KLF1: variants seen among roughly 807,000 people sequenced by gnomAD.
KLF1 encodes KLF transcription factor 1, also known as Krueppel-like factor 1.
KLF1 carries 29 observed loss-of-function variants against 28.0 expected under a neutral mutation model. The observed-to-expected ratio is 1.04, with a 90% CI of 0.77 to 1.41. The LOEUF (loss-of-function observed/expected upper bound fraction) is 1.41. Among genes scored for constraint, KLF1 ranks in the 40% most tolerant of loss-of-function variants. The probability of loss-of-function intolerance (pLI) is 0.00; values close to 1 mark genes in which losing one functional copy is unlikely to be tolerated. For synonymous variants in KLF1, 262 were observed against 242.6 expected, an observed-to-expected ratio of 1.08 and a Z score of -0.74; for missense variants, 508 against 515.1, an observed-to-expected ratio of 0.99 and a Z score of 0.13.
At position 12,885,894 on chromosome 19, in the gene KLF1, AG is replaced by A. The variant is rs1970439924; in HGVS notation, c.335del (p.Thr112IlefsTer125). On this transcript the variant is annotated frameshift_variant, in exon 2 of 3. Coordinates refer to ENST00000264834, the MANE Select transcript of KLF1 (RefSeq NM_006563.5). LOFTEE classifies it high-confidence loss of function. The surrounding 1 kb of genome is among the most constrained non-coding windows in gnomAD (Gnocchi z 5.6). ...SGAQYPPPPE[T>X]LGAYAGGPGL... Reference sequence around the variant, plus strand: ...CCGGGCCGCCAGCATATGCGCCCAGAGTCTCGGGCGGCGGCGGATATTGCGC... The same window carrying A: ...CCGGGCCGCCAGCATATGCGCCCAGATCTCGGGCGGCGGCGGATATTGCGC... 1.9e-6 allele frequency: 3 copies of A among 1,551,666 alleles called. No homozygotes were observed. In the African/African-American group the frequency reaches 4.1e-5, roughly 21 times the overall value.
chr19:12,885,785 C>T lies in KLF1; in HGVS notation c.445G>A (p.Val149Met), dbSNP rs1263219855. 12 of 1,541,514 alleles carry T rather than the reference C, an allele frequency of 7.8e-6. No homozygotes were observed. The highest frequency in any genetic ancestry group is 1.0e-5 in the Non-Finnish European group (12 of 1,144,016). Residue 149 changes from valine (V) to methionine (M), a missense_variant, in exon 2 of 3, where the codon GTG becomes ATG. Physicochemically the swap from Val to Met is conservative, Grantham distance 21. Transcript: ENST00000264834. This position sits in a 1 kb window ranked among gnomAD's most constrained non-coding sequence, Gnocchi z 5.6. ...ALRARAPDAF[V>M]GPALAPAPAP... ...GGGGCTGGAGCCAGGGCTGGGCCCACGAAGGCGTCGGGAGCCCGGGCTCGC... is the reference window on the plus strand; with the variant it reads ...GGGGCTGGAGCCAGGGCTGGGCCCATGAAGGCGTCGGGAGCCCGGGCTCGC...
At position 12,886,155 on chromosome 19, in the gene KLF1, G is replaced by C. The variant is rs1970446400; in HGVS notation, c.88-13C>G. The stretch of plus-strand genomic sequence containing the variant: ...CGGAGCGCCACCACTGCGGGAGGGA[G>C]CAGGCAGCTCGAGGTTCGGTGGACA... On this transcript the variant is annotated splice_polypyrimidine_tract_variant and intron_variant, in intron 1 of 2. Coordinates refer to ENST00000264834, the MANE Select transcript of KLF1 (RefSeq NM_006563.5). 1 of 1,592,892 alleles carries C rather than the reference G, an allele frequency of 6.3e-7. No individual in the cohort carries two copies. The highest frequency in any genetic ancestry group is 8.5e-7 in the Non-Finnish European group (1 of 1,174,622).
Position 12,885,480 on chromosome 19 carries a change from C to T in KLF1, c.750G>A (p.Gly250=), listed in dbSNP as rs569742788. The change falls in exon 2 of 3, where the codon GGG becomes GGA. Residue 250 remains glycine (G), a synonymous_variant. Coordinates refer to ENST00000264834, the MANE Select transcript of KLF1 (RefSeq NM_006563.5). This position sits in a 1 kb window ranked among gnomAD's most constrained non-coding sequence, Gnocchi z 5.6. ...CTATCACACCTGGATCCTCTGCAGT[C>T]CCCCCGAGTCCAGTGCCCACCGTCC... is the stretch of plus-strand genomic sequence containing the variant. ...GPGTVGTGLG[G]TAEDPGVIAE... is the part of the protein sequence containing the mutation. 8.7e-6 allele frequency: 14 copies of T among 1,602,078 alleles called. No individual in the cohort carries two copies. In the South Asian group the frequency reaches 1.2e-4, roughly 14 times the overall value.
Position 12,886,094 on chromosome 19 carries a change from G to A in KLF1, c.136C>T (p.Pro46Ser), listed in dbSNP as rs1343527380. 1 of 1,607,486 alleles carries A rather than the reference G, an allele frequency of 6.2e-7. No homozygotes were observed. Among genetic ancestry groups the A allele is most frequent in the South Asian group, 1.1e-5 (1 of 90,824 alleles). ...AQDMGPGPPDPTEPPLHVKSE... is the reference protein window; with the variant it reads ...AQDMGPGPPDSTEPPLHVKSE... ...TTCACGTGGAGGGGCGGCTCCGTGG[G>A]GTCAGGAGGACCCGGGCCCATGTCC... Residue 46 changes from proline to serine, a missense_variant, in exon 2 of 3, where the codon CCC becomes TCC. By Grantham distance (74) the Pro-to-Ser change is moderately conservative (BLOSUM62 -1). Coordinates refer to ENST00000264834, the MANE Select transcript of KLF1 (RefSeq NM_006563.5).
Position 12,885,955 on chromosome 19 carries a change from T to C in KLF1, c.275A>G (p.Gln92Arg). Residue 92 changes from glutamine (Q) to arginine (R), a missense_variant, in exon 2 of 3, where the codon CAG becomes CGG. Physicochemically the swap from Gln to Arg is conservative, Grantham distance 43. Transcript: ENST00000264834. This position sits in a 1 kb window ranked among gnomAD's most constrained non-coding sequence, Gnocchi z 5.6. ...CTCGCTGGGCGCCAGAGCGCAGGTC[T>C]GGGGCGCGCCACCGGGCTCCGGGCC... ...FSGPEPGGAP[Q>R]TCALAPSEAS... 6.4e-7 allele frequency: 1 copy of C among 1,572,916 alleles called. No homozygotes were observed. The highest frequency in any genetic ancestry group is 8.6e-7 in the Non-Finnish European group (1 of 1,159,744).
Position 12,885,065 on chromosome 19 carries a change from G to A in KLF1, c.914-5C>T. 6.2e-7 allele frequency: 1 copy of A among 1,603,528 alleles called. No homozygotes were observed. On this transcript the variant is annotated splice_polypyrimidine_tract_variant and splice_region_variant and intron_variant, in intron 2 of 2. Coordinates refer to ENST00000264834, the MANE Select transcript of KLF1 (RefSeq NM_006563.5). This position sits in a 1 kb window ranked among gnomAD's most constrained non-coding sequence, Gnocchi z 5.6. The stretch of plus-strand genomic sequence containing the variant: ...TGCAGGCGTATGGCTTCTCCCCTAG[G>A]GGACAAGGAAGCCATAAGCGCCACT...
At chr19:12,886,254 CCTGT>C (rs1011184429) in intron 1 of KLF1, 112 bp from the exon 2 acceptor site, 16 of 748,860 alleles carry the variant, frequency 2.1e-5, no homozygotes, top group East Asian at 5.5e-5. Flanking sequence ...GTCTTGTTTG[CCTGT>C]CTGTCTGTCC....
At position 12,885,896 on chromosome 19, in the gene KLF1, T is replaced by C; in HGVS notation, c.334A>G (p.Thr112Ala). Residue 112 changes from threonine to alanine, a missense_variant, in exon 2 of 3, where the codon ACT (threonine) becomes GCT (alanine). By Grantham distance (58) the Thr-to-Ala change is moderately conservative. Coordinates refer to ENST00000264834, the MANE Select transcript of KLF1 (RefSeq NM_006563.5). This position sits in a 1 kb window ranked among gnomAD's most constrained non-coding sequence, Gnocchi z 5.6. ...GGGCCGCCAGCATATGCGCCCAGAG[T>C]CTCGGGCGGCGGCGGATATTGCGCC... ...SGAQYPPPPE[T>A]LGAYAGGPGL... 6.4e-7 allele frequency: 1 copy of C among 1,551,116 alleles called. No individual in the cohort carries two copies. The highest frequency in any genetic ancestry group is 1.4e-5 in the African/African-American group (1 of 72,952).
intron 1 of KLF1, 115 bp downstream of exon 1, chr19:12,886,939 C>G: frequency 9.4e-7 from 1 of 1,068,036 alleles, no homozygotes; most frequent in Non-Finnish European, 1.5e-6. Flanking sequence ...GAGCGTACCT[C>G]AGTCCTGGTT....
chr19:12,885,774 G>T lies in KLF1; in HGVS notation c.456C>A (p.Ala152=). The T allele has an allele frequency of 6.5e-7, 1 of 1,538,828 alleles. No homozygotes were observed. The highest frequency in any genetic ancestry group is 8.7e-7 in the Non-Finnish European group (1 of 1,143,202). The change falls in exon 2 of 3, where the codon GCC becomes GCA. Residue 152 remains alanine, a synonymous_variant. Transcript: ENST00000264834. This position sits in a 1 kb window ranked among gnomAD's most constrained non-coding sequence, Gnocchi z 5.6. ...GCTCGGGGGCCGGGGCTGGAGCCAG[G>T]GCTGGGCCCACGAAGGCGTCGGGAG... ...ARAPDAFVGP[A]LAPAPAPEPK... is the part of the protein sequence containing the mutation.
At position 12,885,307 on chromosome 19, in the gene KLF1, GC is replaced by G; in HGVS notation, c.913+9del. ...CGCCCTTTCTCATGTCCGGGGCCCCGCCCCCTCACCTGTGTGCGTGCGCAGA... is the reference window on the plus strand; with the variant it reads ...CGCCCTTTCTCATGTCCGGGGCCCCGCCCCTCACCTGTGTGCGTGCGCAGA... On this transcript the variant is annotated intron_variant, in intron 2 of 2. Transcript: ENST00000264834. The surrounding 1 kb of genome is among the most constrained non-coding windows in gnomAD (Gnocchi z 5.6). 1 of 1,567,322 alleles carries G rather than the reference GC, an allele frequency of 6.4e-7. No homozygotes were observed. The highest frequency in any genetic ancestry group is 8.7e-7 in the Non-Finnish European group (1 of 1,155,314).
At position 12,885,450 on chromosome 19, in the gene KLF1, C is replaced by G. The variant is rs1402089809; in HGVS notation, c.780G>C (p.Glu260Asp). The change falls in exon 2 of 3, where the codon GAG becomes GAC. Residue 260 changes from glutamate (E) to aspartate (D), a missense_variant. Glu to Asp is a conservative substitution (Grantham distance 45, BLOSUM62 2). Coordinates refer to ENST00000264834, the MANE Select transcript of KLF1 (RefSeq NM_006563.5). The surrounding 1 kb of genome is among the most constrained non-coding windows in gnomAD (Gnocchi z 5.6). ...GTAEDPGVIA[E>D]TAPSKRGRRS... is the part of the protein sequence containing the mutation. ...GTCGGCCTCGCTTGGATGGCGCGGT[C>G]TCGGCTATCACACCTGGATCCTCTG... 7 of 1,604,626 alleles carry G rather than the reference C, an allele frequency of 4.4e-6. No homozygotes were observed. Among genetic ancestry groups the G allele is most frequent in the African/African-American group, 2.7e-5 (2 of 74,762 alleles).
In KLF1 at chr19:12,886,142, A is replaced by G. The variant is rs749258857; in HGVS notation, c.88T>C (p.Trp30Arg). 13 of 1,598,720 alleles carry G rather than the reference A, an allele frequency of 8.1e-6. No homozygotes were observed. In the South Asian group the frequency reaches 1.2e-4, roughly 15 times the overall value. Reference protein sequence around the residue: ...FPDTQDDFLKWWRSEEAQDMG... With the variant: ...FPDTQDDFLKRWRSEEAQDMG... ...TCCTGCGCCTCTTCGGAGCGCCACC[A>G]CTGCGGGAGGGAGCAGGCAGCTCGA... Residue 30 changes from tryptophan (W) to arginine (R), a missense_variant and splice_region_variant, in exon 2 of 3, where the codon TGG becomes CGG. Physicochemically the swap from Trp to Arg is moderately radical, Grantham distance 101 (BLOSUM62 -3). Transcript: ENST00000264834.
intron 1 of KLF1, 63 bp downstream of exon 1, chr19:12,886,991 A>C: frequency 6.5e-7 from 1 of 1,527,900 alleles, no homozygotes; most frequent in Non-Finnish European, 9.1e-7. Context: ...CTGGACCCCA[A>C]GATCTGTGAC....
Position 12,885,301 on chromosome 19 carries a change from GGCCCC to G in KLF1, c.913+11_913+15del, listed in dbSNP as rs746795664. 1.3e-6 allele frequency: 2 copies of G among 1,561,670 alleles called. No individual in the cohort carries two copies. The highest frequency in any genetic ancestry group is 2.3e-5 in the South Asian group (2 of 85,952). On this transcript the variant is annotated intron_variant, in intron 2 of 2. Coordinates refer to ENST00000264834, the MANE Select transcript of KLF1 (RefSeq NM_006563.5). This position sits in a 1 kb window ranked among gnomAD's most constrained non-coding sequence, Gnocchi z 5.6. ...GCGCCGCGCCCTTTCTCATGTCCGG[GGCCCC>G]GCCCCCTCACCTGTGTGCGTGCGCA...
chr19:12,885,035 C>T lies in KLF1; in HGVS notation c.939G>A (p.Trp313Ter), dbSNP rs1364414353. 6.2e-7 allele frequency: 1 copy of T among 1,608,072 alleles called. No homozygotes were observed. Among genetic ancestry groups the T allele is most frequent in the Admixed American group, 1.7e-5 (1 of 60,018 alleles). The change falls in exon 3 of 3, where the codon TGG becomes TGA. Residue 313 changes from tryptophan to a stop codon, truncating the protein, a stop_gained. Transcript: ENST00000264834. LOFTEE classifies it high-confidence loss of function. This position sits in a 1 kb window ranked among gnomAD's most constrained non-coding sequence, Gnocchi z 5.6. ...GCGCGAATCTCCAGCCGCAGCCTTC[C>T]CACGTGCAGGCGTATGGCTTCTCCC... ...HTGEKPYACT[W>*]EGCGWRFARS...
In KLF1 at chr19:12,886,017, G is replaced by A. The variant is rs1970443364; in HGVS notation, c.213C>T (p.Ala71=). The change falls in exon 2 of 3, where the codon GCC becomes GCT. Residue 71 remains alanine (A), a synonymous_variant. Transcript: ENST00000264834. The part of the protein sequence containing the change: ...EEEDDERGAD[A]TWDLDLLLTN... ...TGAGGAGGAGATCCAGGTCCCAGGTGGCGTCCGCGCCCCTCTCATCGTCCT... is the reference window on the plus strand; with the variant it reads ...TGAGGAGGAGATCCAGGTCCCAGGTAGCGTCCGCGCCCCTCTCATCGTCCT... 1 of 1,601,648 alleles carries A rather than the reference G, an allele frequency of 6.2e-7. No individual in the cohort carries two copies. Among genetic ancestry groups the A allele is most frequent in the East Asian group, 2.3e-5 (1 of 44,220 alleles).
Position 12,885,250 on chromosome 19 carries a change from C to T in KLF1, c.913+67G>A. The stretch of plus-strand genomic sequence containing the variant: ...CAAGTCCAAGTCCCGCCCTCTGCAA[C>T]CCTTCTTCCCCTGTAACTACAGCGG... On this transcript the variant is annotated intron_variant, in intron 2 of 2. Transcript: ENST00000264834. This position sits in a 1 kb window ranked among gnomAD's most constrained non-coding sequence, Gnocchi z 5.6. The T allele has an allele frequency of 6.9e-7, 1 of 1,447,974 alleles. No individual in the cohort carries two copies. The highest frequency in any genetic ancestry group is 1.2e-5 in the South Asian group (1 of 81,106). The allele number at this position is 1,447,974 out of a possible 1,614,324, so 89.7% of individuals were successfully genotyped here. A position where few individuals can be genotyped will look rare whatever the true frequency, so the allele number is the denominator to read the frequency against.
At chr19:12,886,794 G>A (rs541408443) in intron 1 of KLF1, among the ~76,000 whole-genome samples, 2 of 152,050 alleles carry the variant, frequency 1.3e-5, no homozygotes, top group South Asian at 4.2e-4. Flanking sequence ...ATTTTTTGTA[G>A]AGATAGGGTT....
Sources: allele counts gnomAD v4.1 joint callset (sites outside exome capture counted in the v4.1 genomes callset), GRCh38; gene constraint gnomAD v4.1.1; non-coding constraint Gnocchi (gnomAD v3.1); transcripts MANE v1.5; gene names NCBI Gene and HGNC (gene_info 2026-07-23, HGNC 2026-07-21).